Variants in NRIP1 observed in about 807,000 individuals in gnomAD.
NRIP1 encodes nuclear receptor interacting protein 1, also known as nuclear receptor-interacting protein 1.
NRIP1 carries 28 observed loss-of-function variants against 75.0 expected under a neutral mutation model. That is an observed-to-expected ratio of 0.37 (90% CI 0.28 to 0.51). The LOEUF is 0.51. Among genes scored for constraint, NRIP1 ranks in the 20% least tolerant of loss-of-function variants. The pLI, the probability that NRIP1 is intolerant of heterozygous loss-of-function variation, is 0.92. For missense variants in NRIP1, 1,435 were observed against 1,343.7 expected, an observed-to-expected ratio of 1.07 and a Z score of -1.06; for synonymous variants, 526 against 487.6, an observed-to-expected ratio of 1.08 and a Z score of -1.04.
At chr21:15,011,687 T>C (rs1048874833) in intron 3 of NRIP1, among the ~76,000 whole-genome samples, 1 of 152,208 alleles carries the variant, frequency 6.6e-6, no homozygotes, top group Admixed American at 6.5e-5. Flanking sequence ...TATATTCAAG[T>C]GTTTAAGCTA....
intron 2 of NRIP1, among the ~76,000 whole-genome samples, chr21:15,031,117 A>G (rs369215508): frequency 2.5e-4 from 29 of 116,204 alleles, no homozygotes; most frequent in East Asian, 5.1e-4. Context: ...TTCCCTTTCT[A>G]TGTGTATACA....
chr21:14,966,948 A>G lies in NRIP1; in HGVS notation c.1245T>C (p.Asp415=). 6.2e-7 allele frequency: 1 copy of G among 1,614,164 alleles called. No individual in the cohort carries two copies. Among genetic ancestry groups the G allele is most frequent in the South Asian group, 1.1e-5 (1 of 91,086 alleles). Residue 415 remains aspartate (D), a synonymous_variant, in exon 4 of 4, where the codon GAT becomes GAC. Coordinates refer to ENST00000318948, the MANE Select transcript of NRIP1 (RefSeq NM_003489.4). ...FEESSTPTTI[D]EYSDNNPSFT... is the part of the protein sequence containing the mutation. ...AACTAGGATTGTTATCTGAATATTC[A>G]TCAATAGTTGTAGGTGTACTACTTT...
chr21:15,049,944 CATG>C (rs1247101890), intron 1 of NRIP1, among the ~76,000 whole-genome samples: 2 of 152,108 alleles, frequency 1.3e-5, no homozygotes, highest in African/African-American at 4.8e-5. Context: ...AACTTCAATA[CATG>C]ATGTCACTTT....
intron 1 of NRIP1, among the ~76,000 whole-genome samples, chr21:15,049,187 T>C (rs1163571183): frequency 6.6e-6 from 1 of 152,156 alleles, no homozygotes; most frequent in Non-Finnish European, 1.5e-5. Flanking sequence ...GTTACAAAGC[T>C]ATAGTTTTAG....
intron 2 of NRIP1, among the ~76,000 whole-genome samples, chr21:15,030,849 G>GACACC (rs2088633682): frequency 6.8e-6 from 1 of 148,116 alleles, no homozygotes; most frequent in East Asian, 1.9e-4. Flanking sequence ...GCGGTTGGAG[G>GACACC]ATCACTACCT....
chr21:14,965,459 G>C lies in NRIP1; in HGVS notation c.2734C>G (p.Pro912Ala). 1 of 1,613,840 alleles carries C rather than the reference G, an allele frequency of 6.2e-7. No homozygotes were observed. The highest frequency in any genetic ancestry group is 1.1e-5 in the South Asian group (1 of 91,038). The change falls in exon 4 of 4, where the codon CCT becomes GCT. Residue 912 changes from proline (P) to alanine (A), a missense_variant. By Grantham distance (27) the Pro-to-Ala change is conservative. Transcript: ENST00000318948. ...FSRNDLEFKY[P>A]AGHGSASESE... is the part of the protein sequence containing the mutation. ...TCGCTGGCTGAGCCATGACCAGCAG[G>C]ATATTTAAATTCAAGATCATTTCTG... is the stretch of plus-strand genomic sequence containing the variant.
upstream of NRIP1, among the ~76,000 whole-genome samples, chr21:15,065,417 A>G (rs1302982581): frequency 2.0e-5 from 3 of 151,988 alleles, no homozygotes; most frequent in Non-Finnish European, 2.9e-5. Flanking sequence ...GACCGGGGAA[A>G]GCGCTCTTGG....
At chr21:15,023,874 C>T (rs1464230769) in intron 2 of NRIP1, among the ~76,000 whole-genome samples, 1 of 152,196 alleles carries the variant, frequency 6.6e-6, no homozygotes, top group Non-Finnish European at 1.5e-5. Context: ...AGAAGTAGAT[C>T]ATCACACAGA....
At chr21:15,016,926 G>C (rs1274961206) in intron 2 of NRIP1, among the ~76,000 whole-genome samples, 1 of 147,448 alleles carries the variant, frequency 6.8e-6, no homozygotes, top group East Asian at 2.0e-4. Flanking sequence ...AAGAGAGAGA[G>C]AGAGAAAGAA....
intron 3 of NRIP1, among the ~76,000 whole-genome samples, chr21:14,969,650 C>T (rs183580337): frequency 1.3e-4 from 20 of 152,208 alleles, no homozygotes; most frequent in African/African-American, 4.8e-4. Flanking sequence ...AGTTATCAGA[C>T]CTGAAGCTAT....
At chr21:15,009,390 G>A (rs2088049156) in intron 3 of NRIP1, among the ~76,000 whole-genome samples, 1 of 152,200 alleles carries the variant, frequency 6.6e-6, no homozygotes, top group South Asian at 2.1e-4. Context: ...CCCTTAGTGG[G>A]CTCACAATCT....
chr21:15,060,889 C>A (rs2089409870), intron 1 of NRIP1, among the ~76,000 whole-genome samples: 1 of 152,144 alleles, frequency 6.6e-6, no homozygotes, highest in Non-Finnish European at 1.5e-5. Context: ...AACCTCTCGA[C>A]ATAATCTTCA....
intron 1 of NRIP1, among the ~76,000 whole-genome samples, chr21:15,053,468 A>G (rs1338483421): frequency 2.6e-5 from 4 of 152,192 alleles, no homozygotes; most frequent in Non-Finnish European, 5.9e-5. Flanking sequence ...GTCATGCCTT[A>G]GCTACAACTT....
At position 14,964,672 on chromosome 21, in the gene NRIP1, C is replaced by T. The variant is rs1208494411; in HGVS notation, c.*44G>A. The T allele has an allele frequency of 2.2e-6, 3 of 1,358,310 alleles. No individual in the cohort carries two copies. The highest frequency in any genetic ancestry group is 1.5e-5 in the African/African-American group (1 of 68,614). 84.1% of individuals were successfully genotyped at this position (1,358,310 alleles called of 1,614,324 possible). ...TATTTATACAGATCTCAAGTTCATACTCATTAGTTTTAAAAAGATCCAAAA... is the reference window on the plus strand; with the variant it reads ...TATTTATACAGATCTCAAGTTCATATTCATTAGTTTTAAAAAGATCCAAAA... On this transcript the variant is annotated 3_prime_UTR_variant, in exon 4 of 4. Transcript: ENST00000318948.
rs149139992 is a variant in NRIP1 at position 14,990,133 on chromosome 21, C to T, written c.-334-21607G>A. On this transcript the variant is annotated intron_variant, in intron 3 of 3. Coordinates refer to ENST00000318948, the MANE Select transcript of NRIP1 (RefSeq NM_003489.4). The stretch of plus-strand genomic sequence containing the variant: ...CAAGTGGGTTCAGTCACGATTCTAG[C>T]GCCACTAGCCTAAGAGCTGCTCCAG... Among the ~76,000 whole-genome samples, 1,513 of 152,204 alleles carry T rather than the reference C, an allele frequency of 9.9e-3. 21 individuals carry two copies. The highest frequency in any genetic ancestry group is 0.035 in the African/African-American group (1,437 of 41,530).
chr21:14,981,745 G>C (rs2087241170), intron 3 of NRIP1, among the ~76,000 whole-genome samples: 1 of 151,892 alleles, frequency 6.6e-6, no homozygotes, highest in Admixed American at 6.6e-5. Context: ...AATCTTTAAT[G>C]AAAATCTCTC....
chr21:15,027,917 A>G (rs1367247779), intron 2 of NRIP1, among the ~76,000 whole-genome samples: 1 of 152,194 alleles, frequency 6.6e-6, no homozygotes, highest in Non-Finnish European at 1.5e-5. Flanking sequence ...ATAACTCTTT[A>G]TATTTATTAT....
chr21:15,002,971 T>C (rs1241271024), intron 3 of NRIP1, among the ~76,000 whole-genome samples: 5 of 152,208 alleles, frequency 3.3e-5, no homozygotes, highest in African/African-American at 1.2e-4. Flanking sequence ...GTCTCAACAA[T>C]TATTTAAAAA....
chr21:14,976,151 A>C (rs1231689124), intron 3 of NRIP1, among the ~76,000 whole-genome samples: 2 of 152,214 alleles, frequency 1.3e-5, no homozygotes, highest in Non-Finnish European at 2.9e-5. Flanking sequence ...AATTATAAAC[A>C]GAATCTTCCT....
Sources: allele counts gnomAD v4.1 joint callset (sites outside exome capture counted in the v4.1 genomes callset), GRCh38; gene constraint gnomAD v4.1.1; transcripts MANE v1.5; gene names NCBI Gene and HGNC (gene_info 2026-07-23, HGNC 2026-07-21).